The following RYR2 variants were observed in gnomAD, a reference collection of about 807,000 sequenced individuals.
The protein encoded by RYR2 is ryanodine receptor 2, also known as cardiac muscle ryanodine receptor-calcium release channel.
A neutral mutation model predicts 601.1 loss-of-function variants in RYR2; 227 were observed. The observed-to-expected ratio is 0.38, with a 90% confidence interval of 0.34 to 0.42. The LOEUF (loss-of-function observed/expected upper bound fraction) is 0.42, where lower values mean the gene tolerates loss of function less well. RYR2 is among the 10% of genes least tolerant of loss of function. RYR2 has a pLI of 1.00. For missense variants in RYR2, 4,646 were observed against 6,156.5 expected, an observed-to-expected ratio of 0.75 and a Z score of 8.21; for synonymous variants, 2,223 against 2,175.1, an observed-to-expected ratio of 1.02 and a Z score of -0.61.
rs144313642 is a variant in RYR2 at position 237,164,521 on chromosome 1, C to T, written c.49-105976C>T. Among the ~76,000 whole-genome samples, 23 of 152,030 alleles carry T rather than the reference C, an allele frequency of 1.5e-4. No individual in the cohort carries two copies. The East Asian group carries it at 1.5e-3, about 10-fold the overall frequency. ...GTGGTGGGGTTTAAGCAGAGACAGG[C>T]GACAAATAAATAAAAGAAGAGGTAA... On this transcript the variant is annotated intron_variant, in intron 1 of 104. Coordinates refer to ENST00000366574, the MANE Select transcript of RYR2 (RefSeq NM_001035.3).
chr1:237,343,228 A>T (rs1340149305), intron 3 of RYR2, among the ~76,000 whole-genome samples: 1 of 152,160 alleles, frequency 6.6e-6, no homozygotes, highest in East Asian at 1.9e-4. Context: ...GTCTCAAAAA[A>T]AAAAAGCATC....
intron 62 of RYR2, among the ~76,000 whole-genome samples, chr1:237,683,406 A>G (rs532596642): frequency 5.3e-5 from 8 of 152,228 alleles, no homozygotes; most frequent in Non-Finnish European, 1.2e-4. Flanking sequence ...GAATATGAGT[A>G]TAGCCCTAGT....
intron 87 of RYR2, among the ~76,000 whole-genome samples, chr1:237,775,793 T>C (rs1694616077): frequency 6.6e-6 from 1 of 151,988 alleles, no homozygotes; most frequent in Non-Finnish European, 1.5e-5. Context: ...TTAGCAAGGG[T>C]TTTCCATGTT....
chr1:237,051,260 C>T (rs1165282334), intron 1 of RYR2, among the ~76,000 whole-genome samples: 2 of 118,620 alleles, frequency 1.7e-5, no homozygotes, highest in African/African-American at 3.4e-5. Flanking sequence ...CTCCCCTTCC[C>T]GTTCCCTACC....
At chr1:237,376,913 C>G (rs188460258) in intron 7 of RYR2, among the ~76,000 whole-genome samples, 9 of 152,136 alleles carry the variant, frequency 5.9e-5, no homozygotes, top group Non-Finnish European at 4.4e-5. Flanking sequence ...AAAATTGTTA[C>G]AATTGTCACG....
chr1:237,090,027 A>G (rs1192573916), intron 1 of RYR2, among the ~76,000 whole-genome samples: 1 of 152,204 alleles, frequency 6.6e-6, no homozygotes, highest in African/African-American at 2.4e-5. Flanking sequence ...ACCTCTTCAC[A>G]GGGCGGCAGG....
At chr1:237,523,154 A>C (rs2618694) in intron 24 of RYR2, among the ~76,000 whole-genome samples, 75,541 of 151,666 alleles carry the variant, frequency 0.5, 18,974 homozygotes, top group East Asian at 0.58. Context: ...AAAACCTCCT[A>C]GGATTGGGCA....
chr1:237,702,143 C>A (rs1688020335), intron 66 of RYR2, 84 bp downstream of exon 66: 2 of 794,970 alleles, frequency 2.5e-6, no homozygotes, highest in Non-Finnish European at 4.2e-6. Flanking sequence ...CATTTCATAA[C>A]CTGTTTCCTA....
At chr1:237,707,931 C>A (rs576286767) in intron 68 of RYR2, among the ~76,000 whole-genome samples, 125 of 134,752 alleles carry the variant, frequency 9.3e-4, no homozygotes, top group Middle Eastern at 3.8e-3. Flanking sequence ...GCCACCATGC[C>A]CAGCTAATTT....
intron 2 of RYR2, among the ~76,000 whole-genome samples, chr1:237,322,655 G>T (rs1695735621): frequency 1.3e-5 from 2 of 152,130 alleles, no homozygotes; most frequent in Admixed American, 1.3e-4. Context: ...GTGGTCTACT[G>T]AGATCCTGCA....
intron 101 of RYR2, among the ~76,000 whole-genome samples, chr1:237,824,254 T>G (rs1320498960): frequency 6.6e-6 from 1 of 152,172 alleles, no homozygotes; most frequent in Non-Finnish European, 1.5e-5. Flanking sequence ...ATATCCCTGA[T>G]GAACATCGAT....
intron 11 of RYR2, among the ~76,000 whole-genome samples, chr1:237,420,896 A>G (rs1036027828): frequency 1.4e-5 from 2 of 146,984 alleles, no homozygotes; most frequent in African/African-American, 4.9e-5. Flanking sequence ...CAAATATTAA[A>G]CATATTTCCA....
rs749979131 is a variant in RYR2, at chr1:237,500,807, C to T, written c.2300C>T (p.Ser767Leu). ...TTAGATCTGAGTGCCCCAAGCATCT[C>T]GTTCCGAATTAATGGACAACCTGTT... ...CCLDLSAPSI[S>L]FRINGQPVQG... is the part of the protein sequence containing the mutation. The change falls in exon 21 of 105, where the codon TCG (serine) becomes TTG (leucine). Residue 767 changes from serine (S) to leucine (L), a missense_variant. This residue lies in a region of RYR2 where 1,807 missense variants were observed against 2,088.1 expected (regional missense o/e 0.87). Coordinates refer to ENST00000366574, the MANE Select transcript of RYR2 (RefSeq NM_001035.3). 5.6e-6 allele frequency: 9 copies of T among 1,613,880 alleles called. No individual in the cohort carries two copies. The highest frequency in any genetic ancestry group is 1.1e-5 in the South Asian group (1 of 91,088).
intron 73 of RYR2, among the ~76,000 whole-genome samples, chr1:237,722,309 C>T (rs970329136): frequency 8.9e-4 from 135 of 151,932 alleles, no homozygotes; most frequent in African/African-American, 3.2e-3. Context: ...ATAAATCTCA[C>T]GGTATTTTAT....
At chr1:237,206,644 A>G (rs961780435) in intron 1 of RYR2, among the ~76,000 whole-genome samples, 1 of 152,210 alleles carries the variant, frequency 6.6e-6, no homozygotes, top group Non-Finnish European at 1.5e-5. Context: ...ATGTTAAATA[A>G]TATTGTGTCA....
At chr1:237,726,454 A>T (rs2149139569) in intron 75 of RYR2, 146 bp downstream of exon 75, 1 of 636,148 alleles carries the variant, frequency 1.6e-6, no homozygotes, top group Non-Finnish European at 2.8e-6. Context: ...TGCATCATTT[A>T]TTGCAACTTT....
chr1:237,454,440 C>G lies in RYR2; in HGVS notation c.1342C>G (p.Pro448Ala), dbSNP rs369933531. The G allele has an allele frequency of 1.2e-6, 2 of 1,613,516 alleles. No individual in the cohort carries two copies. The highest frequency in any genetic ancestry group is 2.7e-5 in the African/African-American group (2 of 75,018). Residue 448 changes from proline to alanine, a missense_variant, in exon 15 of 105, where the codon CCT becomes GCT. This residue lies in a region of RYR2 where 1,807 missense variants were observed against 2,088.1 expected (regional missense o/e 0.87). Coordinates refer to ENST00000366574, the MANE Select transcript of RYR2 (RefSeq NM_001035.3). ...KKAKASTVDL[P>A]IESVSLSLQD... ...AGCGAAGGCTTCCACAGTCGATTTG[C>G]CTATAGAGTCCGTAAGCCTAAGTCT... is the stretch of plus-strand genomic sequence containing the variant.
intron 60 of RYR2, among the ~76,000 whole-genome samples, chr1:237,676,724 C>G (rs1363385351): frequency 6.6e-6 from 1 of 152,148 alleles, no homozygotes; most frequent in African/African-American, 2.4e-5. Flanking sequence ...CATTCCTAGA[C>G]CTAAGTTAAT....
chr1:237,719,700 A>C (rs1689554676), intron 73 of RYR2, among the ~76,000 whole-genome samples: 1 of 152,128 alleles, frequency 6.6e-6, no homozygotes, highest in Non-Finnish European at 1.5e-5. Flanking sequence ...TTTCCACATA[A>C]GGCTGCTAAA....
Sources: gnomAD v4.1 joint callset for allele counts (sites outside exome capture counted in the v4.1 genomes callset) on GRCh38, gnomAD v4.1.1 for gene constraint, gnomAD v4.1.1 regional missense constraint, MANE v1.5 for transcripts, NCBI Gene and HGNC (gene_info 2026-07-23, HGNC 2026-07-21) for gene names.